The following MAP2K4 variants were observed in gnomAD, a reference collection of about 807,000 sequenced individuals.
The protein encoded by MAP2K4 is dual specificity mitogen-activated protein kinase kinase 4.
In MAP2K4, 4 loss-of-function variants were observed where a neutral mutation model predicts 48.5. The ratio of observed to expected loss-of-function variants is 0.08; its 90% CI spans 0.04 to 0.19. The LOEUF (loss-of-function observed/expected upper bound fraction) is 0.19. MAP2K4 is among the 10% of genes least tolerant of loss of function. The probability of loss-of-function intolerance (pLI) is 1.00; values close to 1 mark genes in which losing one functional copy is unlikely to be tolerated. For synonymous variants in MAP2K4, 166 were observed against 173.1 expected, an observed-to-expected ratio of 0.96 and a Z score of 0.32; for missense variants, 258 against 493.3, an observed-to-expected ratio of 0.52 and a Z score of 4.52.
chr17:12,133,029 GC>G lies in MAP2K4; in HGVS notation c.1040+3744del, dbSNP rs1484542148. 2.0e-3 allele frequency among the ~76,000 whole-genome samples: 304 copies of G among 152,244 alleles called. 2 individuals are homozygous for G. The highest frequency in any genetic ancestry group is 1.2e-3 in the East Asian group (6 of 5,178). On this transcript the variant is annotated intron_variant, in intron 9 of 10. Transcript: ENST00000353533. The stretch of plus-strand genomic sequence containing the variant: ...TTTGGGGAAAAAATCTGGAACCAAT[GC>G]CTGCTTTAGATAATAGGGAAGTCTG...
intron 1 of MAP2K4, among the ~76,000 whole-genome samples, chr17:12,030,848 T>C (rs1969415165): frequency 1.3e-5 from 2 of 152,198 alleles, no homozygotes; most frequent in African/African-American, 2.4e-5. Flanking sequence ...CCCAGCCTCC[T>C]CTCCAGTTGT....
At chr17:12,104,778 G>T (rs759375745) in intron 4 of MAP2K4, among the ~76,000 whole-genome samples, 1 of 151,942 alleles carries the variant, frequency 6.6e-6, no homozygotes, top group African/African-American at 2.4e-5. Flanking sequence ...TATCCTTTGT[G>T]ATTTGTTGTT....
intron 1 of MAP2K4, among the ~76,000 whole-genome samples, chr17:12,034,257 T>C (rs1969524826): frequency 6.6e-6 from 1 of 152,248 alleles, no homozygotes; most frequent in Admixed American, 6.5e-5. Flanking sequence ...TCTAAATGGC[T>C]CTGTTTTTGT....
intron 1 of MAP2K4, among the ~76,000 whole-genome samples, chr17:12,054,010 T>C (rs1970215539): frequency 6.6e-6 from 1 of 152,182 alleles, no homozygotes; most frequent in South Asian, 2.1e-4. Flanking sequence ...TTCAGTTCTG[T>C]TACAAGGTAT....
intron 9 of MAP2K4, among the ~76,000 whole-genome samples, chr17:12,133,726 C>T (rs1973114124): frequency 6.6e-6 from 1 of 152,056 alleles, no homozygotes; most frequent in African/African-American, 2.4e-5. Flanking sequence ...GGATGGATTG[C>T]CTAATCCAAA....
At chr17:12,120,051 A>C (rs1202361370) in intron 7 of MAP2K4, among the ~76,000 whole-genome samples, 1 of 152,246 alleles carries the variant, frequency 6.6e-6, no homozygotes, top group Non-Finnish European at 1.5e-5. Flanking sequence ...ACTATTGGGT[A>C]CTAGGCTTAG....
chr17:12,068,474 G>T (rs1970684684), intron 2 of MAP2K4, among the ~76,000 whole-genome samples: 1 of 152,140 alleles, frequency 6.6e-6, no homozygotes, highest in African/African-American at 2.4e-5. Flanking sequence ...TTAAATTGAT[G>T]ACAGTACATG....
intron 7 of MAP2K4, among the ~76,000 whole-genome samples, chr17:12,122,041 A>T (rs1972711339): frequency 6.6e-6 from 1 of 152,314 alleles, no homozygotes; most frequent in Middle Eastern, 3.4e-3. Flanking sequence ...AAAACTTGGG[A>T]CCCCAATTTA....
chr17:12,076,279 C>CTGTGTGTGTGTGTGTGTGTGTG (rs372806903), intron 2 of MAP2K4, among the ~76,000 whole-genome samples: 2 of 135,174 alleles, frequency 1.5e-5, no homozygotes, highest in African/African-American at 5.5e-5. Context: ...TGTCACAGTT[C>CTGTGTGTGTGTGTGTGTGTGTG]TGTGTGTGTG....
intron 2 of MAP2K4, among the ~76,000 whole-genome samples, chr17:12,063,739 G>A (rs376132712): frequency 2.0e-5 from 3 of 151,990 alleles, no homozygotes; most frequent in African/African-American, 7.3e-5. Context: ...TTGGGAGGCC[G>A]AGGCAGGCGG....
At chr17:12,108,176 C>A (rs557206838) in intron 5 of MAP2K4, among the ~76,000 whole-genome samples, 5 of 152,094 alleles carry the variant, frequency 3.3e-5, no homozygotes, top group African/African-American at 9.7e-5. Context: ...AAGCAATTTT[C>A]TGTTCATTTT....
chr17:12,139,682 G>A (rs915364238), intron 9 of MAP2K4, among the ~76,000 whole-genome samples, 157 bp from the exon 10 acceptor site: 1 of 151,980 alleles, frequency 6.6e-6, no homozygotes, highest in Non-Finnish European at 1.5e-5. Flanking sequence ...ACAATTTTTT[G>A]TATGTGCTTT....
chr17:12,109,622 C>G (rs886130479), intron 5 of MAP2K4, among the ~76,000 whole-genome samples: 2 of 152,122 alleles, frequency 1.3e-5, no homozygotes, highest in Non-Finnish European at 2.9e-5. Flanking sequence ...GATAAATTCC[C>G]ACAGTGGTGA....
intron 4 of MAP2K4, among the ~76,000 whole-genome samples, chr17:12,102,744 T>C (rs1971974517): frequency 6.6e-6 from 1 of 152,122 alleles, no homozygotes; most frequent in African/African-American, 2.4e-5. Context: ...TGTCGAGTGA[T>C]CTTTGGTATT....
Position 12,081,874 on chromosome 17 carries a change from C to G in MAP2K4, c.393+344C>G. ...AGTGCTGCACTGAGCCAGGCGGGAG[C>G]TGGAAGAAGACGCAGCACACTGGGT... On this transcript the variant is annotated intron_variant, in intron 3 of 10. Coordinates refer to ENST00000353533, the MANE Select transcript of MAP2K4 (RefSeq NM_003010.4). The surrounding 1 kb of genome is among the most constrained non-coding windows in gnomAD (Gnocchi z 4.2). 1.8e-6 allele frequency: 1 copy of G among 540,578 alleles called. No homozygotes were observed. The highest frequency in any genetic ancestry group is 3.8e-6 in the Non-Finnish European group (1 of 265,196). The allele number at this position is 540,578 out of a possible 1,614,324, so 33.5% of individuals were successfully genotyped here. A position where few individuals can be genotyped will look rare whatever the true frequency, so the allele number is the denominator to read the frequency against.
At chr17:12,028,838 G>T (rs1254078418) in intron 1 of MAP2K4, among the ~76,000 whole-genome samples, 1 of 152,132 alleles carries the variant, frequency 6.6e-6, no homozygotes, top group African/African-American at 2.4e-5. Context: ...AGAGGAATGG[G>T]AATGGAGATA....
intron 4 of MAP2K4, among the ~76,000 whole-genome samples, chr17:12,104,549 T>C (rs1972043237): frequency 6.6e-6 from 1 of 152,140 alleles, no homozygotes; most frequent in South Asian, 2.1e-4. Context: ...TTTTTACATG[T>C]ATTTAGGCTT....
chr17:12,032,130 T>C (rs1435488085), intron 1 of MAP2K4: 1 of 405,474 alleles, frequency 2.5e-6, no homozygotes, highest in Non-Finnish European at 4.4e-6. Flanking sequence ...TTATTGTCTC[T>C]GGTGGGGGTA....
chr17:12,068,692 T>C (rs776377611), intron 2 of MAP2K4, among the ~76,000 whole-genome samples: 5 of 151,894 alleles, frequency 3.3e-5, no homozygotes, highest in Non-Finnish European at 7.4e-5. Context: ...TTTTAGATAA[T>C]ATTTAAGTTT....
Sources: allele counts gnomAD v4.1 joint callset (sites outside exome capture counted in the v4.1 genomes callset), GRCh38; gene constraint gnomAD v4.1.1; non-coding constraint Gnocchi (gnomAD v3.1); transcripts MANE v1.5; gene names NCBI Gene and HGNC (gene_info 2026-07-23, HGNC 2026-07-21).